Variants in PRUNE2 observed in about 807,000 individuals in gnomAD.
PRUNE2 encodes the protein prune homolog 2 with BCH domain, also known as protein prune homolog 2.
PRUNE2 carries 164 observed loss-of-function variants against 252.0 expected under a neutral mutation model. The observed-to-expected ratio is 0.65, with a 90% CI of 0.57 to 0.74. PRUNE2 has a LOEUF of 0.74. Ranked by LOEUF, PRUNE2 falls within the 30% of genes least tolerant of loss-of-function variation. PRUNE2 has a pLI of 0.00. For synonymous variants in PRUNE2, 1,292 were observed against 1,350.2 expected (o/e 0.96, Z 0.94); for missense variants, 3,495 against 3,711.0 (o/e 0.94, Z 1.51).
chr9:76,801,307 TAGA>T (rs1233941712), intron 6 of PRUNE2, among the ~76,000 whole-genome samples: 2 of 152,202 alleles, frequency 1.3e-5, no homozygotes, highest in African/African-American at 4.8e-5. Context: ...TAAAGAATAT[TAGA>T]AGAATATATT....
At chr9:76,660,792 A>G (rs535936117) in intron 9 of PRUNE2, among the ~76,000 whole-genome samples, 12 of 148,288 alleles carry the variant, frequency 8.1e-5, no homozygotes, top group African/African-American at 3.0e-4. Context: ...AAAAAAAAAA[A>G]AAAAAAAAAG....
At chr9:76,846,700 G>C (rs1210910770) in intron 3 of PRUNE2, 22 bp from the exon 4 acceptor site, 2 of 1,599,118 alleles carry the variant, frequency 1.3e-6, no homozygotes, top group African/African-American at 2.7e-5. Flanking sequence ...ATGGAGGGGA[G>C]GAAGAGAAAG....
At chr9:76,724,460 G>A (rs540173890) in intron 6 of PRUNE2, among the ~76,000 whole-genome samples, 1 of 152,008 alleles carries the variant, frequency 6.6e-6, no homozygotes, top group African/African-American at 2.4e-5. Context: ...CTGGGTGACA[G>A]AGCAAGACCC....
At chr9:76,783,497 C>G (rs577887885) in intron 6 of PRUNE2, among the ~76,000 whole-genome samples, 1 of 152,286 alleles carries the variant, frequency 6.6e-6, no homozygotes, top group South Asian at 2.1e-4. Flanking sequence ...GTGTCAGGCA[C>G]TGCACTAGTG....
chr9:76,768,532 A>G lies in PRUNE2; in HGVS notation c.757-54811T>C, dbSNP rs533046550. On this transcript the variant is annotated intron_variant, in intron 6 of 18. Transcript: ENST00000376718. Reference sequence around the variant, plus strand: ...ATCAAGTCTGTCTGCAGCCGCACCTAGAACGTTCTCTGGGTCTCTTATCTT... The same window carrying G: ...ATCAAGTCTGTCTGCAGCCGCACCTGGAACGTTCTCTGGGTCTCTTATCTT... 7.9e-5 allele frequency among the ~76,000 whole-genome samples: 12 copies of G among 151,890 alleles called. No individual in the cohort carries two copies. In the South Asian group the frequency reaches 2.5e-3, roughly 32 times the overall value.
chr9:76,663,421 G>A (rs1274934718), intron 9 of PRUNE2, among the ~76,000 whole-genome samples: 1 of 152,100 alleles, frequency 6.6e-6, no homozygotes, highest in Non-Finnish European at 1.5e-5. Context: ...CCTTCTTTAG[G>A]GAATGTGCAA....
At chr9:76,666,733 G>A (rs537103135) in intron 9 of PRUNE2, among the ~76,000 whole-genome samples, 5 of 152,144 alleles carry the variant, frequency 3.3e-5, no homozygotes, top group East Asian at 3.9e-4. Flanking sequence ...GTGGTCCCCC[G>A]GGCCCAGCTG....
At chr9:76,759,103 GT>G in intron 6 of PRUNE2, 2 of 152,208 alleles carry the variant, frequency 1.3e-5, no homozygotes, top group East Asian at 3.9e-4. Context: ...CTGAGTTACA[GT>G]CCCCTCGAGG....
At chr9:76,716,823 C>G (rs1288296328) in intron 6 of PRUNE2, among the ~76,000 whole-genome samples, 1 of 151,964 alleles carries the variant, frequency 6.6e-6, no homozygotes, top group East Asian at 1.9e-4. Context: ...CCCCAACCCC[C>G]CAACAGGCCC....
At chr9:76,754,981 A>AC (rs1214010375) in intron 6 of PRUNE2, among the ~76,000 whole-genome samples, 1 of 151,070 alleles carries the variant, frequency 6.6e-6, no homozygotes, top group Non-Finnish European at 1.5e-5. Context: ...AAAAAAAAAA[A>AC]AAAAAAACCC....
chr9:76,776,941 C>G (rs11145054), intron 6 of PRUNE2, among the ~76,000 whole-genome samples: 75,442 of 144,840 alleles, frequency 0.52, 21,399 homozygotes, highest in African/African-American at 0.74. Context: ...CACACACACA[C>G]ACACAAAGGG....
chr9:76,685,656 G>A (rs943867416), intron 9 of PRUNE2, among the ~76,000 whole-genome samples: 39 of 152,318 alleles, frequency 2.6e-4, no homozygotes, highest in African/African-American at 9.4e-4. Context: ...CCATATGCAA[G>A]CTAAGGAGAG....
At chr9:76,742,356 G>A (rs1170085819) in intron 6 of PRUNE2, among the ~76,000 whole-genome samples, 1 of 152,168 alleles carries the variant, frequency 6.6e-6, no homozygotes, top group East Asian at 1.9e-4. Flanking sequence ...GCTCGTGTCT[G>A]TTATCCCAAC....
chr9:76,714,523 T>C (rs2046986158), intron 6 of PRUNE2, among the ~76,000 whole-genome samples: 1 of 149,924 alleles, frequency 6.7e-6, no homozygotes, highest in South Asian at 2.2e-4. Flanking sequence ...GCCTCCCAAG[T>C]AGCTGGGGCT....
chr9:76,860,448 C>T (rs2060487339), intron 1 of PRUNE2, among the ~76,000 whole-genome samples: 1 of 152,120 alleles, frequency 6.6e-6, no homozygotes, highest in Non-Finnish European at 1.5e-5. Flanking sequence ...TGCCTTAAAA[C>T]AAGTATGAGC....
At chr9:76,892,063 GC>G (rs10664396) in intron 1 of PRUNE2, among the ~76,000 whole-genome samples, 1 of 151,674 alleles carries the variant, frequency 6.6e-6, no homozygotes, top group Admixed American at 6.6e-5. Context: ...AGAGAAAGTA[GC>G]CCCCCCAGCC....
chr9:76,652,270 T>G, intron 11 of PRUNE2: 1 of 512,396 alleles, frequency 2.0e-6, no homozygotes, highest in Non-Finnish European at 3.5e-6. Flanking sequence ...AGAGTGGGGG[T>G]TAATAAAGAG....
At chr9:76,789,461 T>C (rs1238266928) in intron 6 of PRUNE2, among the ~76,000 whole-genome samples, 1 of 152,166 alleles carries the variant, frequency 6.6e-6, no homozygotes, top group East Asian at 1.9e-4. Context: ...ACACCTTCTT[T>C]CCAAATAAAA....
chr9:76,679,906 T>C (rs2043235380), intron 9 of PRUNE2, among the ~76,000 whole-genome samples: 1 of 152,154 alleles, frequency 6.6e-6, no homozygotes, highest in East Asian at 1.9e-4. Flanking sequence ...AAATAGAAAC[T>C]TCTAGCATAA....
Sources: gnomAD v4.1 joint callset for allele counts (sites outside exome capture counted in the v4.1 genomes callset) on GRCh38, gnomAD v4.1.1 for gene constraint, MANE v1.5 for transcripts, NCBI Gene and HGNC (gene_info 2026-07-23, HGNC 2026-07-21) for gene names.